ANGPT1: variants seen among roughly 807,000 people sequenced by gnomAD.
The protein encoded by ANGPT1 is angiopoietin-1.
Under a neutral mutation model 62.2 loss-of-function variants are expected in ANGPT1, and 17 were observed. The ratio of observed to expected loss-of-function variants is 0.27; its 90% CI spans 0.19 to 0.41. The LOEUF is 0.41. ANGPT1 is among the 10% of genes least tolerant of loss of function. ANGPT1 has a pLI of 1.00. For synonymous variants in ANGPT1, 199 were observed against 198.9 expected (o/e 1.00, Z 0.00); for missense variants, 478 against 594.9 (o/e 0.80, Z 2.04).
intron 1 of ANGPT1, among the ~76,000 whole-genome samples, chr8:107,392,772 T>C (rs1816859541): frequency 6.6e-6 from 1 of 152,230 alleles, no homozygotes; most frequent in Non-Finnish European, 1.5e-5. Flanking sequence ...GGAATTAGTT[T>C]CATATGTGGT....
In ANGPT1 at chr8:107,391,082, T is replaced by C. The variant is rs925327734; in HGVS notation, c.298-43985A>G. 2.6e-5 allele frequency among the ~76,000 whole-genome samples: 4 copies of C among 152,170 alleles called. No homozygotes were observed. In the South Asian group the frequency reaches 8.3e-4, roughly 31 times the overall value. Reference sequence around the variant, plus strand: ...TACCAGTTACTAGGTACTATTGCAATGAAAAAAGTTTTAATTTAAAAATTA... The same window carrying C: ...TACCAGTTACTAGGTACTATTGCAACGAAAAAAGTTTTAATTTAAAAATTA... On this transcript the variant is annotated intron_variant, in intron 1 of 8. Coordinates refer to ENST00000517746, the MANE Select transcript of ANGPT1 (RefSeq NM_001146.5).
chr8:107,371,148 A>G (rs1563591693), intron 1 of ANGPT1, among the ~76,000 whole-genome samples: 1 of 152,202 alleles, frequency 6.6e-6, no homozygotes, highest in African/African-American at 2.4e-5. Flanking sequence ...TATGTGTTAC[A>G]TGGTAACTTT....
intron 7 of ANGPT1, among the ~76,000 whole-genome samples, chr8:107,271,300 C>T (rs959622757): frequency 1.3e-5 from 2 of 151,988 alleles, no homozygotes; most frequent in Non-Finnish European, 2.9e-5. Context: ...AGGTGATACC[C>T]GGAAAGCCCT....
At chr8:107,271,904 T>TAAAA (rs35257524) in intron 7 of ANGPT1, among the ~76,000 whole-genome samples, 1 of 138,222 alleles carries the variant, frequency 7.2e-6, no homozygotes, top group African/African-American at 2.6e-5. Flanking sequence ...TTGATACTGG[T>TAAAA]AAAAAAAAAA....
intron 1 of ANGPT1, among the ~76,000 whole-genome samples, chr8:107,415,874 T>A (rs1810726637): frequency 6.6e-6 from 1 of 152,090 alleles, no homozygotes; most frequent in Non-Finnish European, 1.5e-5. Flanking sequence ...AAAGTAATTA[T>A]AACGGAGCTA....
chr8:107,315,541 C>A (rs16876021), intron 4 of ANGPT1, among the ~76,000 whole-genome samples: 5 of 151,916 alleles, frequency 3.3e-5, no homozygotes, highest in Non-Finnish European at 5.9e-5. Flanking sequence ...GCTTACTTGC[C>A]ACTGAAAAGA....
chr8:107,279,069 T>A (rs1029627730), intron 7 of ANGPT1, among the ~76,000 whole-genome samples: 6 of 152,184 alleles, frequency 3.9e-5, no homozygotes, highest in African/African-American at 1.4e-4. Flanking sequence ...CTCCTTCCAG[T>A]GGACATAGCA....
At chr8:107,390,681 T>C (rs1816817807) in intron 1 of ANGPT1, among the ~76,000 whole-genome samples, 1 of 152,144 alleles carries the variant, frequency 6.6e-6, no homozygotes, top group African/African-American at 2.4e-5. Flanking sequence ...AAATAGGAGA[T>C]TTCTGTTTAC....
intron 1 of ANGPT1, among the ~76,000 whole-genome samples, chr8:107,430,078 G>C (rs1811141052): frequency 6.6e-6 from 1 of 152,136 alleles, no homozygotes; most frequent in African/African-American, 2.4e-5. Context: ...CGTACTGAAA[G>C]AATGTGTGCT....
At chr8:107,333,199 A>C (rs1245626283) in intron 3 of ANGPT1, among the ~76,000 whole-genome samples, 2 of 152,218 alleles carry the variant, frequency 1.3e-5, no homozygotes, top group African/African-American at 4.8e-5. Flanking sequence ...GACTATGTCT[A>C]ATTTAAGAAC....
At position 107,371,573 on chromosome 8, in the gene ANGPT1, CT is replaced by C. The variant is rs5893851; in HGVS notation, c.298-24477del. ...CCCCTCTCTCTTGGTGCTGAGCATT[CT>C]TTTTTTTTTTTTTTTTTTTTTGGAC... On this transcript the variant is annotated intron_variant, in intron 1 of 8. Transcript: ENST00000517746. 4.1e-3 allele frequency among the ~76,000 whole-genome samples: 421 copies of C among 102,100 alleles called. 2 individuals are homozygous for C. Among genetic ancestry groups the C allele is most frequent in the African/African-American group, 0.014 (377 of 27,354 alleles). 67.0% of individuals were successfully genotyped at this position (102,100 alleles called of 152,430 possible). A position where few individuals can be genotyped will look rare whatever the true frequency, so the allele number is the denominator to read the frequency against.
chr8:107,268,955 A>G (rs919971469), intron 7 of ANGPT1, among the ~76,000 whole-genome samples: 1 of 152,108 alleles, frequency 6.6e-6, no homozygotes, highest in Non-Finnish European at 1.5e-5. Flanking sequence ...CCATGTTTAT[A>G]TCCTTAGCAT....
intron 3 of ANGPT1, among the ~76,000 whole-genome samples, chr8:107,331,401 C>A (rs1201601884): frequency 3.3e-5 from 5 of 152,156 alleles, no homozygotes; most frequent in Admixed American, 3.3e-4. Flanking sequence ...TATATAGTGA[C>A]AGGCCAAAAA....
intron 5 of ANGPT1, chr8:107,294,239 A>G (rs891968111): frequency 2.9e-5 from 12 of 409,466 alleles, no homozygotes; most frequent in Non-Finnish European, 4.7e-5. Flanking sequence ...ATTAAATTCC[A>G]TCAATGATGA....
intron 6 of ANGPT1, among the ~76,000 whole-genome samples, chr8:107,285,229 C>G: frequency 6.6e-6 from 1 of 152,144 alleles, no homozygotes; most frequent in South Asian, 2.1e-4. Context: ...TCAATGAACA[C>G]TATGAGAGTG....
chr8:107,257,876 G>GTTTTTTTTTTTTTTTTTTTTT (rs1371396961), intron 8 of ANGPT1, among the ~76,000 whole-genome samples: 11 of 85,296 alleles, frequency 1.3e-4, no homozygotes, highest in East Asian at 3.4e-4. Context: ...ACTTGTTTTT[G>GTTTTTTTTTTTTTTTTTTTTT]TTTCTTTTTT....
chr8:107,357,096 G>A (rs1366730713), intron 1 of ANGPT1, among the ~76,000 whole-genome samples: 1 of 152,178 alleles, frequency 6.6e-6, no homozygotes, highest in Middle Eastern at 3.4e-3. Flanking sequence ...TTTCATTGCA[G>A]TTTATTTTCT....
intron 1 of ANGPT1, among the ~76,000 whole-genome samples, chr8:107,402,025 G>T (rs1458490065): frequency 6.6e-6 from 1 of 152,112 alleles, no homozygotes; most frequent in Non-Finnish European, 1.5e-5. Context: ...TAAAAATAAT[G>T]ATGGAAAAAT....
At chr8:107,326,806 T>A (rs1254777972) in intron 3 of ANGPT1, among the ~76,000 whole-genome samples, 1 of 152,142 alleles carries the variant, frequency 6.6e-6, no homozygotes, top group Admixed American at 6.6e-5. Flanking sequence ...TAGGTAAGAA[T>A]CAAATGTTTT....
Sources: allele counts gnomAD v4.1 joint callset (sites outside exome capture counted in the v4.1 genomes callset), GRCh38; gene constraint gnomAD v4.1.1; transcripts MANE v1.5; gene names NCBI Gene and HGNC (gene_info 2026-07-23, HGNC 2026-07-21).